FBXL7: variants seen among roughly 807,000 people sequenced by gnomAD.
FBXL7 encodes the protein F-box and leucine rich repeat protein 7.
FBXL7 carries 12 observed loss-of-function variants against 38.3 expected under a neutral mutation model. The observed-to-expected ratio is 0.31, with a 90% CI of 0.20 to 0.51. The LOEUF (loss-of-function observed/expected upper bound fraction) is 0.51, where lower values mean the gene tolerates loss of function less well. FBXL7 is among the 20% of genes least tolerant of loss of function. The pLI is 0.98. For synonymous variants in FBXL7, 297 were observed against 300.9 expected, an observed-to-expected ratio of 0.99 and a Z score of 0.13; for missense variants, 567 against 676.4, an observed-to-expected ratio of 0.84 and a Z score of 1.79.
At position 15,938,968 on chromosome 5, in the gene FBXL7, G is replaced by C; in HGVS notation, c.*1782G>C. 1 of 399,042 alleles carries C rather than the reference G, an allele frequency of 2.5e-6. No individual in the cohort carries two copies. The highest frequency in any genetic ancestry group is 1.3e-4 in the South Asian group (1 of 7,858). The allele number at this position is 399,042 out of a possible 1,614,324, so 24.7% of individuals were successfully genotyped here. On this transcript the variant is annotated 3_prime_UTR_variant, in exon 4 of 4. Coordinates refer to ENST00000504595, the MANE Select transcript of FBXL7 (RefSeq NM_012304.5). The stretch of plus-strand genomic sequence containing the variant: ...TCAAAATGCCCATTATCCAAATGCA[G>C]AACCTCTGCATCTCCAAGCCAGTTA...
intron 2 of FBXL7, among the ~76,000 whole-genome samples, chr5:15,927,367 G>A (rs1244702067): frequency 6.6e-6 from 1 of 152,160 alleles, no homozygotes; most frequent in East Asian, 1.9e-4. Flanking sequence ...TTTCTGGAAT[G>A]GGCGACACGT....
chr5:15,758,350 T>G (rs1188045552), intron 2 of FBXL7, among the ~76,000 whole-genome samples: 1 of 151,792 alleles, frequency 6.6e-6, no homozygotes, highest in Non-Finnish European at 1.5e-5. Flanking sequence ...CAGGTACATG[T>G]GCAGGTTTGG....
At chr5:15,582,799 A>T (rs1029475788) in intron 1 of FBXL7, among the ~76,000 whole-genome samples, 7 of 152,142 alleles carry the variant, frequency 4.6e-5, no homozygotes, top group Non-Finnish European at 8.8e-5. Flanking sequence ...GAGCCCCCTC[A>T]CCCTACTAAT....
chr5:15,839,415 T>C (rs1738681241), intron 2 of FBXL7, among the ~76,000 whole-genome samples: 1 of 152,110 alleles, frequency 6.6e-6, no homozygotes, highest in South Asian at 2.1e-4. Context: ...CATTGTACGA[T>C]AAAATATAGC....
chr5:15,698,622 A>AGAATTCT (rs1314148830), intron 2 of FBXL7, among the ~76,000 whole-genome samples: 3 of 152,234 alleles, frequency 2.0e-5, no homozygotes, highest in Admixed American at 2.0e-4. Context: ...CAATTTAAAA[A>AGAATTCT]GAATTCTGTC....
chr5:15,893,115 CAAAA>C (rs931760815), intron 2 of FBXL7, among the ~76,000 whole-genome samples: 2 of 71,606 alleles, frequency 2.8e-5, no homozygotes, highest in Non-Finnish European at 3.0e-5. Context: ...GACTCTGTCT[CAAAA>C]AAAAAAAAAA....
intron 1 of FBXL7, among the ~76,000 whole-genome samples, chr5:15,606,520 G>T (rs1336871465): frequency 1.3e-5 from 2 of 152,212 alleles, no homozygotes; most frequent in African/African-American, 4.8e-5. Flanking sequence ...CCCTGAGGCC[G>T]CTTATTAGAT....
chr5:15,551,327 T>G (rs1738062231), intron 1 of FBXL7, among the ~76,000 whole-genome samples: 1 of 152,206 alleles, frequency 6.6e-6, no homozygotes, highest in African/African-American at 2.4e-5. Context: ...GTTTGAATAG[T>G]TCCCCTTTCA....
intron 2 of FBXL7, among the ~76,000 whole-genome samples, chr5:15,721,959 T>A (rs1334108585): frequency 1.3e-5 from 2 of 152,080 alleles, no homozygotes; most frequent in African/African-American, 2.4e-5. Flanking sequence ...CTCAGCCTCC[T>A]GAGTAGCTGG....
At chr5:15,579,095 T>C (rs1302023511) in intron 1 of FBXL7, among the ~76,000 whole-genome samples, 1 of 152,224 alleles carries the variant, frequency 6.6e-6, no homozygotes, top group African/African-American at 2.4e-5. Context: ...TCCAGATCTC[T>C]TGGACTCAGT....
At chr5:15,566,492 T>C (rs565837433) in intron 1 of FBXL7, among the ~76,000 whole-genome samples, 1 of 152,134 alleles carries the variant, frequency 6.6e-6, no homozygotes, top group Non-Finnish European at 1.5e-5. Flanking sequence ...GTAACTACCA[T>C]GTGCAGTGCA....
intron 1 of FBXL7, among the ~76,000 whole-genome samples, chr5:15,548,955 T>C (rs1737990771): frequency 6.6e-6 from 1 of 152,180 alleles, no homozygotes; most frequent in African/African-American, 2.4e-5. Flanking sequence ...TACATTGCCA[T>C]GGTGAAATCT....
intron 2 of FBXL7, among the ~76,000 whole-genome samples, chr5:15,862,308 C>T (rs901139748): frequency 3.9e-5 from 6 of 152,152 alleles, no homozygotes; most frequent in African/African-American, 1.4e-4. Context: ...CCATGTGAAA[C>T]GTGCCTTTCA....
chr5:15,571,135 A>G (rs914981013), intron 1 of FBXL7, among the ~76,000 whole-genome samples: 3 of 151,976 alleles, frequency 2.0e-5, no homozygotes, highest in African/African-American at 4.8e-5. Context: ...TAAAATGTCA[A>G]TGTTTGAGCA....
At chr5:15,913,779 C>G (rs1741507432) in intron 2 of FBXL7, among the ~76,000 whole-genome samples, 1 of 152,182 alleles carries the variant, frequency 6.6e-6, no homozygotes, top group African/African-American at 2.4e-5. Flanking sequence ...TGTTTCTTCT[C>G]TTGTCAAGAC....
Position 15,902,964 on chromosome 5 carries a change from C to T in FBXL7, c.128-24926C>T, listed in dbSNP as rs372091033. On this transcript the variant is annotated intron_variant, in intron 2 of 3. Coordinates refer to ENST00000504595, the MANE Select transcript of FBXL7 (RefSeq NM_012304.5). The stretch of plus-strand genomic sequence containing the variant: ...GGACTGACTAGTGTCCAACCCACCA[C>T]GGGTCTGGGCTCCAGAGCTCTTCTG... Among the ~76,000 whole-genome samples the T allele has an allele frequency of 5.0e-4, 76 of 152,326 alleles. No individual in the cohort carries two copies. In the Middle Eastern group the frequency reaches 0.014, roughly 27 times the overall value.
At chr5:15,836,593 G>A (rs1738597938) in intron 2 of FBXL7, among the ~76,000 whole-genome samples, 1 of 152,176 alleles carries the variant, frequency 6.6e-6, no homozygotes, top group African/African-American at 2.4e-5. Context: ...CAAGCTTCTA[G>A]GTGGGAGTGT....
intron 2 of FBXL7, among the ~76,000 whole-genome samples, chr5:15,797,263 A>G (rs918005676): frequency 1.8e-4 from 27 of 152,234 alleles, no homozygotes; most frequent in Non-Finnish European, 3.7e-4. Context: ...ATGCTTAACT[A>G]TGAAAGTACC....
chr5:15,681,519 TAGAGA>T (rs1459194409), intron 2 of FBXL7, among the ~76,000 whole-genome samples: 3 of 152,304 alleles, frequency 2.0e-5, no homozygotes, highest in African/African-American at 7.2e-5. Flanking sequence ...ATGCATAGAT[TAGAGA>T]AAAGACTAGA....
Sources: gnomAD v4.1 joint callset for allele counts (sites outside exome capture counted in the v4.1 genomes callset) on GRCh38, gnomAD v4.1.1 for gene constraint, MANE v1.5 for transcripts, NCBI Gene and HGNC (gene_info 2026-07-23, HGNC 2026-07-21) for gene names.